Variants in APLF observed in about 807,000 individuals in gnomAD.
The protein encoded by APLF is aprataxin and PNK-like factor.
A neutral mutation model predicts 55.6 loss-of-function variants in APLF; 61 were observed. That is an observed-to-expected ratio of 1.10 (90% confidence interval 0.89 to 1.36). APLF has a LOEUF of 1.36. Ranked by LOEUF, APLF falls within the 40% of genes most tolerant of loss-of-function variation. The pLI is 0.00. For synonymous variants in APLF, 207 were observed against 214.8 expected (o/e 0.96, Z 0.32); for missense variants, 611 against 602.5 (o/e 1.01, Z -0.15).
intron 6 of APLF, among the ~76,000 whole-genome samples, chr2:68,528,071 C>A (rs1179931057): frequency 6.6e-6 from 1 of 152,062 alleles, no homozygotes; most frequent in Non-Finnish European, 1.5e-5. Context: ...GGTGGCCAAG[C>A]AGAGGCGCTC....
intron 2 of APLF, among the ~76,000 whole-genome samples, chr2:68,492,882 T>C (rs1260944257): frequency 3.3e-5 from 5 of 152,334 alleles, no homozygotes; most frequent in Non-Finnish European, 7.3e-5. Context: ...TTTTGTAAAC[T>C]TTCCCATAAA....
chr2:68,469,921 G>T (rs796835350), intron 1 of APLF, among the ~76,000 whole-genome samples: 5 of 152,322 alleles, frequency 3.3e-5, no homozygotes, highest in African/African-American at 1.2e-4. Context: ...AAACATAAAA[G>T]TTTATAATCT....
intron 5 of APLF, among the ~76,000 whole-genome samples, chr2:68,523,965 GA>G: frequency 7.5e-6 from 1 of 133,872 alleles, no homozygotes; most frequent in African/African-American, 3.8e-5. Flanking sequence ...TTGGAGTTTT[GA>G]AAAACTTGAG....
chr2:68,500,830 C>T (rs765802673), intron 2 of APLF, among the ~76,000 whole-genome samples: 3 of 152,130 alleles, frequency 2.0e-5, no homozygotes, highest in Non-Finnish European at 4.4e-5. Context: ...AGTTCAGCAG[C>T]GGACACAAGC....
At chr2:68,575,253 G>A (rs185300679) in intron 9 of APLF, among the ~76,000 whole-genome samples, 75 of 152,284 alleles carry the variant, frequency 4.9e-4, no homozygotes, top group African/African-American at 1.4e-3. Flanking sequence ...TATGCCAGGC[G>A]TTGGGAATCA....
chr2:68,542,245 A>G (rs1055378238), intron 7 of APLF, among the ~76,000 whole-genome samples: 2 of 152,196 alleles, frequency 1.3e-5, no homozygotes, highest in Non-Finnish European at 2.9e-5. Context: ...TGGATTTGAC[A>G]AAGATTTCTT....
rs1000139647 is a variant in APLF at position 68,578,817 on chromosome 2, C to T, written c.*795C>T. 42 of 985,134 alleles carry T rather than the reference C, an allele frequency of 4.3e-5. 1 individual carries two copies. The South Asian group carries it at 1.7e-3, about 41-fold the overall frequency. 61.0% of individuals were successfully genotyped at this position (985,134 alleles called of 1,614,324 possible). A position where few individuals can be genotyped will look rare whatever the true frequency, so the allele number is the denominator to read the frequency against. ...ACTTTCTCAAATGGCATTAGTTTTG[C>T]CTTAGTTTTTTTGACCTCAGATGAA... On this transcript the variant is annotated 3_prime_UTR_variant, in exon 10 of 10. Transcript: ENST00000303795.
intron 2 of APLF, among the ~76,000 whole-genome samples, chr2:68,495,705 C>T (rs1030108387): frequency 3.3e-5 from 5 of 152,218 alleles, no homozygotes; most frequent in African/African-American, 4.8e-5. Context: ...AGGGATTTGC[C>T]GCTGCAGCAG....
rs1462745066 is a variant in APLF at position 68,578,093 on chromosome 2, G to A, written c.*71G>A. 1 of 1,523,094 alleles carries A rather than the reference G, an allele frequency of 6.6e-7. No homozygotes were observed. Among genetic ancestry groups the A allele is most frequent in the East Asian group, 2.4e-5 (1 of 41,246 alleles). The allele number at this position is 1,523,094 out of a possible 1,614,324, so 94.3% of individuals were successfully genotyped here. A position where few individuals can be genotyped will look rare whatever the true frequency, so the allele number is the denominator to read the frequency against. ...TGTGGGAAAACATTTATGAACTAAG[G>A]AGGTACTTAAGTGACAGTTATTTTC... On this transcript the variant is annotated 3_prime_UTR_variant, in exon 10 of 10. Transcript: ENST00000303795.
chr2:68,520,718 T>C (rs866573384), intron 5 of APLF, among the ~76,000 whole-genome samples: 1 of 152,090 alleles, frequency 6.6e-6, no homozygotes, highest in South Asian at 2.1e-4. Flanking sequence ...CGTAGCCTTG[T>C]AGTACAGTTT....
chr2:68,505,863 T>C (rs1676860234), intron 3 of APLF, among the ~76,000 whole-genome samples: 1 of 152,028 alleles, frequency 6.6e-6, no homozygotes, highest in African/African-American at 2.4e-5. Context: ...CATTGACCAG[T>C]ATGATTAAGT....
At position 68,503,466 on chromosome 2, in the gene APLF, A is replaced by G. The variant is rs1212484808; in HGVS notation, c.341+563A>G. The stretch of plus-strand genomic sequence containing the variant: ...TTTCAGCTTTTAAATTATAGAATGG[A>G]TAAACTAGACTTATAGAAGTAGATG... On this transcript the variant is annotated intron_variant, in intron 3 of 9. Transcript: ENST00000303795. Among the ~76,000 whole-genome samples the G allele has an allele frequency of 4.6e-5, 7 of 152,130 alleles. No homozygotes were observed. The East Asian group carries it at 1.2e-3, about 25-fold the overall frequency.
At chr2:68,487,889 C>CT (rs140623591) in intron 1 of APLF, among the ~76,000 whole-genome samples, 6,213 of 152,144 alleles carry the variant, frequency 0.041, 172 homozygotes, top group Non-Finnish European at 0.063. Context: ...TTATAGCATT[C>CT]TTTTTGTATT....
chr2:68,496,472 T>C (rs1439658038), intron 2 of APLF, among the ~76,000 whole-genome samples: 1 of 152,304 alleles, frequency 6.6e-6, no homozygotes, highest in African/African-American at 2.4e-5. Flanking sequence ...CTTGAATCCT[T>C]CTCCTGAAAA....
At chr2:68,550,918 C>T (rs1167224964) in intron 8 of APLF, among the ~76,000 whole-genome samples, 1 of 152,116 alleles carries the variant, frequency 6.6e-6, no homozygotes, top group Non-Finnish European at 1.5e-5. Flanking sequence ...TCAACATTCC[C>T]TTTATTTACA....
intron 9 of APLF, among the ~76,000 whole-genome samples, chr2:68,573,445 G>A (rs1017312894): frequency 2.6e-5 from 4 of 152,132 alleles, no homozygotes; most frequent in African/African-American, 9.7e-5. Context: ...GGCCGAGGCG[G>A]GTGGATCACC....
chr2:68,567,227 G>A (rs1671333253), intron 8 of APLF, 114 bp from the exon 9 acceptor site: 2 of 788,160 alleles, frequency 2.5e-6, no homozygotes, highest in African/African-American at 1.8e-5. Context: ...TTCATAAGAG[G>A]CCTATTGGGT....
In APLF at chr2:68,579,362, AAT is replaced by A; in HGVS notation, c.*1341_*1342del. 2 of 978,658 alleles carry A rather than the reference AAT, an allele frequency of 2.0e-6. No individual in the cohort carries two copies. Among genetic ancestry groups the A allele is most frequent in the Non-Finnish European group, 2.4e-6 (2 of 823,784 alleles). The allele number at this position is 978,658 out of a possible 1,614,324, so 60.6% of individuals were successfully genotyped here. A position where few individuals can be genotyped will look rare whatever the true frequency, so the allele number is the denominator to read the frequency against. ...TCCCTTTAGCCTTGGTAGTATAACA[AAT>A]CTACGAATGTAATATTTAACTTATT... On this transcript the variant is annotated 3_prime_UTR_variant, in exon 10 of 10. Coordinates refer to ENST00000303795, the MANE Select transcript of APLF (RefSeq NM_173545.3).
chr2:68,532,847 G>A (rs1033004923), intron 6 of APLF, among the ~76,000 whole-genome samples: 3 of 152,168 alleles, frequency 2.0e-5, no homozygotes, highest in African/African-American at 4.8e-5. Flanking sequence ...AATCCTCAGA[G>A]CAACAGTATT....
Sources: gnomAD v4.1 joint callset for allele counts (sites outside exome capture counted in the v4.1 genomes callset) on GRCh38, gnomAD v4.1.1 for gene constraint, MANE v1.5 for transcripts, NCBI Gene and HGNC (gene_info 2026-07-23, HGNC 2026-07-21) for gene names.